CNGB3: variants seen among roughly 807,000 people sequenced by gnomAD.
CNGB3 encodes cyclic nucleotide gated channel subunit beta 3, also known as cyclic nucleotide-gated channel beta-3.
Under a neutral mutation model 92.8 loss-of-function variants are expected in CNGB3, and 86 were observed. That is an observed-to-expected ratio of 0.93 (90% CI 0.78 to 1.11). The LOEUF is 1.11. Among genes scored for constraint, CNGB3 ranks in the 50% least tolerant of loss-of-function variants. CNGB3 has a pLI of 0.00. For synonymous variants in CNGB3, 333 were observed against 332.7 expected, an observed-to-expected ratio of 1.00 and a Z score of -0.01; for missense variants, 1,026 against 956.8, an observed-to-expected ratio of 1.07 and a Z score of -0.95.
chr8:86,701,221 C>A (rs1371759708), intron 3 of CNGB3, among the ~76,000 whole-genome samples: 2 of 152,010 alleles, frequency 1.3e-5, no homozygotes, highest in Admixed American at 1.3e-4. Context: ...TTCAGCTGTT[C>A]CTTGGCTTTA....
intron 15 of CNGB3, among the ~76,000 whole-genome samples, chr8:86,600,544 A>G (rs1822271721): frequency 6.6e-6 from 1 of 152,080 alleles, no homozygotes; most frequent in Non-Finnish European, 1.5e-5. Context: ...AAAAATCACC[A>G]CTTAGTATAT....
intron 8 of CNGB3, among the ~76,000 whole-genome samples, chr8:86,647,158 C>T (rs1426733068): frequency 6.6e-6 from 1 of 150,850 alleles, no homozygotes; most frequent in Non-Finnish European, 1.5e-5. Flanking sequence ...TTTTCCATAT[C>T]AGTACATAAA....
At chr8:86,640,812 C>T (rs1365947102) in intron 10 of CNGB3, among the ~76,000 whole-genome samples, 2 of 151,954 alleles carry the variant, frequency 1.3e-5, no homozygotes, top group Non-Finnish European at 2.9e-5. Context: ...TGTTAATTGA[C>T]AATCTCTATT....
At position 86,592,116 on chromosome 8, in the gene CNGB3, G is replaced by A. The variant is rs373408891; in HGVS notation, c.1781+11977C>T. On this transcript the variant is annotated intron_variant, in intron 15 of 17. Coordinates refer to ENST00000320005, the MANE Select transcript of CNGB3 (RefSeq NM_019098.5). ...TGACCCGATTTTCCAGGTGCCGTCC[G>A]TCACCCCTTTCTTTGATTAGGAAAG... 2.2e-3 allele frequency among the ~76,000 whole-genome samples: 338 copies of A among 152,312 alleles called. 4 individuals carry two copies. Among genetic ancestry groups the A allele is most frequent in the African/African-American group, 6.8e-3 (281 of 41,572 alleles).
At chr8:86,600,685 C>T (rs935500397) in intron 15 of CNGB3, among the ~76,000 whole-genome samples, 2 of 149,790 alleles carry the variant, frequency 1.3e-5, no homozygotes, top group African/African-American at 4.9e-5. Context: ...TCTCGGCTCA[C>T]TGCAAGCTCT....
At chr8:86,654,146 T>G in intron 6 of CNGB3, 84 bp from the exon 7 acceptor site, 1 of 923,792 alleles carries the variant, frequency 1.1e-6, no homozygotes, top group Non-Finnish European at 1.8e-6. Flanking sequence ...ACTGTTTCTC[T>G]TGGTTGGTTC....
intron 12 of CNGB3, among the ~76,000 whole-genome samples, chr8:86,628,695 A>G (rs1223522302): frequency 3.9e-5 from 6 of 152,070 alleles, no homozygotes. Flanking sequence ...CATCCAGAAG[A>G]TGCTGATTAA....
chr8:86,647,885 C>T lies in CNGB3; in HGVS notation c.906G>A (p.Leu302=), dbSNP rs528004507. 2 of 1,580,592 alleles carry T rather than the reference C, an allele frequency of 1.3e-6. No homozygotes were observed. The highest frequency in any genetic ancestry group is 1.3e-5 in the African/African-American group (1 of 74,132). Residue 302 remains leucine, a splice_region_variant and synonymous_variant, in exon 8 of 18, where the codon TTG becomes TTA. Coordinates refer to ENST00000320005, the MANE Select transcript of CNGB3 (RefSeq NM_019098.5). Reference sequence around the variant, plus strand: ...CAAATGGTATTATTGATGCGACATCCAACTGTTGAAAGAACACATTCACAA... The same window carrying T: ...CAAATGGTATTATTGATGCGACATCTAACTGTTGAAAGAACACATTCACAA... ...KHYRTSTKFQ[L]DVASIIPFDI... is the part of the protein sequence containing the mutation.
intron 14 of CNGB3, among the ~76,000 whole-genome samples, chr8:86,605,733 A>G (rs1822400351): frequency 6.6e-6 from 1 of 152,222 alleles, no homozygotes; most frequent in Non-Finnish European, 1.5e-5. Context: ...ACATATAGGA[A>G]ACACTCATTT....
chr8:86,631,216 A>G (rs571257158), intron 11 of CNGB3, among the ~76,000 whole-genome samples: 12 of 152,274 alleles, frequency 7.9e-5, no homozygotes, highest in African/African-American at 2.9e-4. Context: ...GTTAAAATAC[A>G]AGTTCTGATT....
chr8:86,667,907 T>A, intron 5 of CNGB3, 112 bp downstream of exon 5: 1 of 1,167,496 alleles, frequency 8.6e-7, no homozygotes, highest in Non-Finnish European at 1.3e-6. Context: ...TGCTTCCTAG[T>A]TAGATTGAGA....
chr8:86,587,498 T>C (rs1161536558), intron 15 of CNGB3, among the ~76,000 whole-genome samples: 2 of 152,226 alleles, frequency 1.3e-5, no homozygotes, highest in Non-Finnish European at 2.9e-5. Context: ...TTAATCCATA[T>C]TGAATTGATT....
intron 6 of CNGB3, chr8:86,661,158 C>A: frequency 8.7e-6 from 2 of 230,922 alleles, no homozygotes; most frequent in South Asian, 1.2e-4. Flanking sequence ...GGACGACAAC[C>A]CAGTTGACAA....
intron 15 of CNGB3, among the ~76,000 whole-genome samples, chr8:86,603,216 A>G (rs1312618483): frequency 2.6e-5 from 4 of 152,142 alleles, no homozygotes; most frequent in Admixed American, 1.3e-4. Flanking sequence ...CTAATTAACT[A>G]TTTATTATCA....
intron 14 of CNGB3, among the ~76,000 whole-genome samples, chr8:86,610,257 T>C (rs1822492989): frequency 6.6e-6 from 1 of 152,186 alleles, no homozygotes; most frequent in African/African-American, 2.4e-5. Flanking sequence ...ACAAGAACCA[T>C]CTTTTTTTTG....
At chr8:86,624,498 C>CT (rs751423183) in intron 13 of CNGB3, among the ~76,000 whole-genome samples, 10 of 151,984 alleles carry the variant, frequency 6.6e-5, no homozygotes, top group Non-Finnish European at 1.3e-4. Context: ...CTCAGCCTCC[C>CT]TTTTTTTTCA....
chr8:86,635,370 T>A (rs1823042226), intron 10 of CNGB3, among the ~76,000 whole-genome samples: 1 of 152,064 alleles, frequency 6.6e-6, no homozygotes, highest in South Asian at 2.1e-4. Flanking sequence ...CCCTCCAAAG[T>A]CACTCAAAAG....
chr8:86,594,775 C>A (rs978845266), intron 15 of CNGB3, among the ~76,000 whole-genome samples: 36 of 152,168 alleles, frequency 2.4e-4, no homozygotes, highest in African/African-American at 8.2e-4. Flanking sequence ...GTGGCACAAT[C>A]TCGGCTCACT....
chr8:86,699,490 A>T (rs78271435), intron 3 of CNGB3, among the ~76,000 whole-genome samples: 1,801 of 152,202 alleles, frequency 0.012, 31 homozygotes, highest in African/African-American at 0.04. Context: ...CTCAAAAATA[A>T]TACATAAAAA....
Sources: allele counts gnomAD v4.1 joint callset (sites outside exome capture counted in the v4.1 genomes callset), GRCh38; gene constraint gnomAD v4.1.1; transcripts MANE v1.5; gene names NCBI Gene and HGNC (gene_info 2026-07-23, HGNC 2026-07-21).